PLCH1: variants seen among roughly 807,000 people sequenced by gnomAD.
The protein encoded by PLCH1 is phospholipase C eta 1.
A neutral mutation model predicts 126.7 loss-of-function variants in PLCH1; 60 were observed. The ratio of observed to expected loss-of-function variants is 0.47; its 90% CI spans 0.38 to 0.59. PLCH1 has a LOEUF of 0.59. Among genes scored for constraint, PLCH1 ranks in the 20% least tolerant of loss-of-function variants. The probability of loss-of-function intolerance (pLI) is 0.00; values close to 1 mark genes in which losing one functional copy is unlikely to be tolerated. For synonymous variants in PLCH1, 719 were observed against 734.9 expected (o/e 0.98, Z 0.35); for missense variants, 1,723 against 2,040.0 (o/e 0.84, Z 2.99).
intron 1 of PLCH1, among the ~76,000 whole-genome samples, chr3:155,739,943 A>C (rs966699634): frequency 6.6e-6 from 1 of 152,224 alleles, no homozygotes; most frequent in South Asian, 2.1e-4. Flanking sequence ...TATTTACAGA[A>C]CAATAAATAA....
intron 10 of PLCH1, among the ~76,000 whole-genome samples, chr3:155,535,744 C>T (rs555715936): frequency 6.6e-6 from 1 of 152,190 alleles, no homozygotes; most frequent in Admixed American, 6.5e-5. Flanking sequence ...AGCTCTATGG[C>T]CCTGCCCATT....
chr3:155,483,165 C>T, intron 22 of PLCH1, 114 bp from the exon 23 acceptor site: 1 of 1,057,640 alleles, frequency 9.5e-7, no homozygotes, highest in Non-Finnish European at 1.4e-6. Flanking sequence ...TACACTGTGA[C>T]AGAATATAAT....
At chr3:155,708,894 C>T (rs578046211) in intron 1 of PLCH1, among the ~76,000 whole-genome samples, 1 of 152,272 alleles carries the variant, frequency 6.6e-6, no homozygotes, top group Admixed American at 6.5e-5. Flanking sequence ...TGGTACCATA[C>T]AAAATAGTCT....
chr3:155,632,240 A>G (rs938600834), intron 2 of PLCH1, among the ~76,000 whole-genome samples: 5 of 152,184 alleles, frequency 3.3e-5, no homozygotes, highest in Non-Finnish European at 4.4e-5. Flanking sequence ...AACTCCATAG[A>G]ATCAGCTCAT....
At chr3:155,660,343 T>A (rs1030260028) in intron 2 of PLCH1, among the ~76,000 whole-genome samples, 1 of 152,224 alleles carries the variant, frequency 6.6e-6, no homozygotes, top group African/African-American at 2.4e-5. Context: ...CTGAAATTCT[T>A]AAGAATACTG....
chr3:155,525,398 G>A (rs1721767653), intron 10 of PLCH1, among the ~76,000 whole-genome samples: 1 of 152,148 alleles, frequency 6.6e-6, no homozygotes, highest in African/African-American at 2.4e-5. Context: ...TACTATCTAT[G>A]AGAAACAGGC....
At chr3:155,536,871 C>T (rs920848239) in intron 10 of PLCH1, among the ~76,000 whole-genome samples, 2 of 152,020 alleles carry the variant, frequency 1.3e-5, no homozygotes, top group African/African-American at 4.8e-5. Context: ...GACACATAGT[C>T]ATCAGGTTAT....
At chr3:155,457,503 C>G (rs1256115333) in intron 21 of PLCH1, 1 of 152,324 alleles carries the variant, frequency 6.6e-6, no homozygotes, top group South Asian at 2.1e-4. Flanking sequence ...TTGCATGCCT[C>G]TGTAGTTGGT....
intron 1 of PLCH1, among the ~76,000 whole-genome samples, chr3:155,734,162 G>A (rs1216976819): frequency 6.6e-6 from 1 of 151,744 alleles, no homozygotes; most frequent in Non-Finnish European, 1.5e-5. Context: ...GAGGTTCCTC[G>A]AAAAATCAAA....
At chr3:155,575,829 G>C (rs1305441577) in intron 6 of PLCH1, among the ~76,000 whole-genome samples, 3 of 151,956 alleles carry the variant, frequency 2.0e-5, no homozygotes, top group African/African-American at 7.3e-5. Flanking sequence ...ACTAATTTTT[G>C]TTTAAGAGAA....
chr3:155,577,811 G>T (rs571492686), intron 6 of PLCH1, among the ~76,000 whole-genome samples: 2 of 152,310 alleles, frequency 1.3e-5, no homozygotes, highest in African/African-American at 2.4e-5. Context: ...CTATTCAAAT[G>T]AACTGGGGTA....
intron 10 of PLCH1, among the ~76,000 whole-genome samples, chr3:155,525,159 T>G (rs1207817565): frequency 1.3e-5 from 2 of 152,128 alleles, no homozygotes; most frequent in African/African-American, 4.8e-5. Context: ...ATTTCTATTT[T>G]TATTAAAAAG....
chr3:155,702,542 G>C (rs1460312954), intron 2 of PLCH1, among the ~76,000 whole-genome samples: 1 of 152,060 alleles, frequency 6.6e-6, no homozygotes, highest in East Asian at 1.9e-4. Context: ...TGGTCATCAA[G>C]CCCTTAGCAT....
At chr3:155,719,116 G>A (rs1450552185) in intron 1 of PLCH1, among the ~76,000 whole-genome samples, 1 of 152,118 alleles carries the variant, frequency 6.6e-6, no homozygotes, top group African/African-American at 2.4e-5. Flanking sequence ...CATCACCTGA[G>A]CAGAGTACAC....
intron 2 of PLCH1, among the ~76,000 whole-genome samples, chr3:155,669,955 G>T (rs1027128004): frequency 6.6e-6 from 1 of 152,172 alleles, no homozygotes; most frequent in Non-Finnish European, 1.5e-5. Context: ...ACATGTGTGT[G>T]TGCATGTATG....
intron 2 of PLCH1, among the ~76,000 whole-genome samples, chr3:155,637,979 A>T (rs1738936317): frequency 6.6e-6 from 1 of 152,194 alleles, no homozygotes; most frequent in Non-Finnish European, 1.5e-5. Context: ...ACAGTTAGGA[A>T]GACAGTTTGC....
Position 155,482,366 on chromosome 3 carries a change from G to T in PLCH1, c.3660C>A (p.Pro1220=). ...HNTSVMSGHC[P]LPSLGLKMPI... ...GCATTTTTAGGCCCAGGCTAGGCAA[G>T]GGACAATGGCCTGACATCACACTGG... is the stretch of plus-strand genomic sequence containing the variant. The change falls in exon 23 of 23, where the codon CCC becomes CCA. Residue 1220 remains proline (P), a synonymous_variant. Coordinates refer to ENST00000460012, the MANE Select transcript of PLCH1 (RefSeq NM_014996.4). 2 of 1,614,118 alleles carry T rather than the reference G, an allele frequency of 1.2e-6. No individual in the cohort carries two copies. Among genetic ancestry groups the T allele is most frequent in the Non-Finnish European group, 1.7e-6 (2 of 1,179,994 alleles).
intron 1 of PLCH1, among the ~76,000 whole-genome samples, chr3:155,733,859 A>G (rs953867469): frequency 1.4e-5 from 2 of 147,490 alleles, no homozygotes; most frequent in African/African-American, 5.1e-5. Flanking sequence ...AAAACAAATA[A>G]CCTGATCTGA....
chr3:155,713,970 C>T (rs358720), intron 1 of PLCH1, among the ~76,000 whole-genome samples: 73,017 of 152,010 alleles, frequency 0.48, 20,736 homozygotes, highest in African/African-American at 0.78. Flanking sequence ...ATTTAACTTA[C>T]ATGGAGAAGT....
Sources: gnomAD v4.1 joint callset for allele counts (sites outside exome capture counted in the v4.1 genomes callset) on GRCh38, gnomAD v4.1.1 for gene constraint, MANE v1.5 for transcripts, NCBI Gene and HGNC (gene_info 2026-07-23, HGNC 2026-07-21) for gene names.